DSCAML1: variants seen among roughly 807,000 people sequenced by gnomAD.
DSCAML1 encodes the protein DS cell adhesion molecule like 1, also known as cell adhesion molecule DSCAML1.
Under a neutral mutation model 200.5 loss-of-function variants are expected in DSCAML1, and 38 were observed. The observed-to-expected ratio is 0.19, with a 90% CI of 0.15 to 0.25. The LOEUF is 0.25. Among genes scored for constraint, DSCAML1 ranks in the 10% least tolerant of loss-of-function variants. DSCAML1 has a pLI of 1.00. For missense variants in DSCAML1, 2,223 were observed against 2,858.8 expected, an observed-to-expected ratio of 0.78 and a Z score of 5.07; for synonymous variants, 1,215 against 1,165.0, an observed-to-expected ratio of 1.04 and a Z score of -0.87.
chr11:117,705,549 T>G (rs1469750986), intron 3 of DSCAML1, among the ~76,000 whole-genome samples: 3 of 152,162 alleles, frequency 2.0e-5, no homozygotes, highest in African/African-American at 7.2e-5. Context: ...AAAACCACTG[T>G]GGGAGTGGCC....
chr11:117,660,775 T>C (rs1172724044), intron 3 of DSCAML1, among the ~76,000 whole-genome samples: 1 of 152,174 alleles, frequency 6.6e-6, no homozygotes, highest in Non-Finnish European at 1.5e-5. Context: ...CTCATTCACA[T>C]GGAACATCGA....
intron 1 of DSCAML1, among the ~76,000 whole-genome samples, chr11:117,793,171 G>T (rs368607896): frequency 1.3e-5 from 2 of 152,166 alleles, no homozygotes; most frequent in African/African-American, 2.4e-5. Flanking sequence ...ATGCAAATCT[G>T]GGGTGTGCCC....
intron 3 of DSCAML1, among the ~76,000 whole-genome samples, chr11:117,605,684 G>T (rs970408847): frequency 6.6e-5 from 10 of 152,198 alleles, no homozygotes; most frequent in African/African-American, 2.4e-4. Flanking sequence ...GAAGGGAAGA[G>T]GCGAGAACAT....
intron 3 of DSCAML1, among the ~76,000 whole-genome samples, chr11:117,671,877 C>T (rs574570107): frequency 1.1e-4 from 16 of 151,614 alleles, no homozygotes; most frequent in South Asian, 4.2e-4. Context: ...TTTGGGAGGC[C>T]GAGGCGGGCG....
At chr11:117,700,496 C>T (rs2053648640) in intron 3 of DSCAML1, among the ~76,000 whole-genome samples, 1 of 152,230 alleles carries the variant, frequency 6.6e-6, no homozygotes, top group Non-Finnish European at 1.5e-5. Context: ...GAACCCACAT[C>T]CTGAGAAGCA....
chr11:117,780,502 C>T lies in DSCAML1; in HGVS notation c.355G>A (p.Val119Ile). Residue 119 changes from valine (V) to isoleucine (I), a missense_variant, in exon 2 of 33, where the codon GTC (valine) becomes ATC (isoleucine). Physicochemically the swap from Val to Ile is conservative, Grantham distance 29 (BLOSUM62 3). This residue lies in a region of DSCAML1 where 579 missense variants were observed against 721.5 expected (regional missense o/e 0.80). Transcript: ENST00000651296. The surrounding 1 kb of genome is among the most constrained non-coding windows in gnomAD (Gnocchi z 4.8). ...GTGTCTTGTCCCTTACCTGCTTTGA[C>T]GCGGATGTTGGGGCTCCGGATCTTG... ...AGKIRSPNIR[V>I]KAVFREPYTV... 1 of 1,448,990 alleles carries T rather than the reference C, an allele frequency of 6.9e-7. No homozygotes were observed. Among genetic ancestry groups the T allele is most frequent in the Non-Finnish European group, 9.1e-7 (1 of 1,095,200 alleles). 89.8% of individuals were successfully genotyped at this position (1,448,990 alleles called of 1,614,324 possible). A position where few individuals can be genotyped will look rare whatever the true frequency, so the allele number is the denominator to read the frequency against.
intron 1 of DSCAML1, among the ~76,000 whole-genome samples, chr11:117,807,683 T>A (rs2055718693): frequency 6.6e-6 from 1 of 152,146 alleles, no homozygotes; most frequent in Non-Finnish European, 1.5e-5. Flanking sequence ...GCCCAAAGAC[T>A]GAGTATGAGA....
At chr11:117,771,968 C>T (rs1469843998) in intron 3 of DSCAML1, among the ~76,000 whole-genome samples, 1 of 152,062 alleles carries the variant, frequency 6.6e-6, no homozygotes. Flanking sequence ...CACCCTCCTG[C>T]GGCAGACAGA....
At chr11:117,540,988 C>T (rs767641569) in intron 3 of DSCAML1, among the ~76,000 whole-genome samples, 7 of 152,308 alleles carry the variant, frequency 4.6e-5, no homozygotes, top group Non-Finnish European at 1.0e-4. Context: ...ATAAACCAGA[C>T]CATCCTTAAG....
At chr11:117,609,540 C>T (rs1407319355) in intron 3 of DSCAML1, among the ~76,000 whole-genome samples, 1 of 152,138 alleles carries the variant, frequency 6.6e-6, no homozygotes, top group Non-Finnish European at 1.5e-5. Context: ...CTCCTGGGCT[C>T]AAGCAATCCT....
At chr11:117,737,260 T>C (rs189688569) in intron 3 of DSCAML1, among the ~76,000 whole-genome samples, 4 of 152,310 alleles carry the variant, frequency 2.6e-5, no homozygotes, top group East Asian at 1.9e-4. Flanking sequence ...TATTCTATGA[T>C]GAAAAAGGAA....
chr11:117,460,485 TG>T (rs2048458256), intron 18 of DSCAML1, among the ~76,000 whole-genome samples: 1 of 152,006 alleles, frequency 6.6e-6, no homozygotes, highest in African/African-American at 2.4e-5. Context: ...GTGCAGGAGC[TG>T]GGTGGGGGGC....
chr11:117,439,640 AG>A (rs2048002783), intron 22 of DSCAML1, among the ~76,000 whole-genome samples, 178 bp downstream of exon 22: 1 of 152,026 alleles, frequency 6.6e-6, no homozygotes, highest in African/African-American at 2.4e-5. Flanking sequence ...GGCTCCCAAG[AG>A]GGGAGCCAGG....
intron 3 of DSCAML1, among the ~76,000 whole-genome samples, chr11:117,612,626 C>T (rs894912623): frequency 7.9e-5 from 12 of 152,282 alleles, no homozygotes; most frequent in Middle Eastern, 3.4e-3. Context: ...CCACTGCCAG[C>T]GCCATGCTGA....
chr11:117,443,571 C>CGG (rs2048112989), intron 21 of DSCAML1, among the ~76,000 whole-genome samples: 7 of 152,344 alleles, frequency 4.6e-5, no homozygotes, highest in Admixed American at 3.3e-4. Flanking sequence ...GGACAAAGGC[C>CGG]CGGCTTTGAA....
chr11:117,444,989 A>G (rs577464190), intron 20 of DSCAML1, among the ~76,000 whole-genome samples: 2 of 152,140 alleles, frequency 1.3e-5, no homozygotes, highest in Non-Finnish European at 2.9e-5. Context: ...CCCAGAACAG[A>G]TGGGGGCCCG....
At chr11:117,801,029 G>C (rs555832929), upstream of DSCAML1, 1 of 152,252 alleles carries the variant, frequency 6.6e-6, no homozygotes, top group South Asian at 2.1e-4. Context: ...AGGTCTGTGT[G>C]AAAAACTTAA....
rs775978061 is a variant in DSCAML1, at chr11:117,471,962, G to C, written c.2860C>G (p.Pro954Ala). 1 of 1,614,116 alleles carries C rather than the reference G, an allele frequency of 6.2e-7. No individual in the cohort carries two copies. Among genetic ancestry groups the C allele is most frequent in the Non-Finnish European group, 8.5e-7 (1 of 1,180,012 alleles). ...INQANIVDLH[P>A]ASVYSIRMYS... ...ATGCGGATGCTGTACACAGATGCCGGGTGCAAGTCCACAATGTTGGCCTGG... is the reference window on the plus strand; with the variant it reads ...ATGCGGATGCTGTACACAGATGCCGCGTGCAAGTCCACAATGTTGGCCTGG... Residue 954 changes from proline to alanine, a missense_variant, in exon 15 of 33, where the codon CCG becomes GCG. Coordinates refer to ENST00000651296, the MANE Select transcript of DSCAML1 (RefSeq NM_020693.4).
intron 3 of DSCAML1, among the ~76,000 whole-genome samples, chr11:117,609,456 C>T (rs1203998013): frequency 6.6e-6 from 1 of 151,842 alleles, no homozygotes; most frequent in African/African-American, 2.4e-5. Context: ...CACAGGCGTG[C>T]ACCACCAGAC....
Sources: allele counts gnomAD v4.1 joint callset (sites outside exome capture counted in the v4.1 genomes callset), GRCh38; gene constraint gnomAD v4.1.1; regional missense constraint gnomAD v4.1.1; non-coding constraint Gnocchi (gnomAD v3.1); transcripts MANE v1.5; gene names NCBI Gene and HGNC (gene_info 2026-07-23, HGNC 2026-07-21).